PEBP4: variants seen among roughly 807,000 people sequenced by gnomAD.
The protein encoded by PEBP4 is phosphatidylethanolamine binding protein 4, also known as phosphatidylethanolamine-binding protein 4.
In PEBP4, 22 loss-of-function variants were observed where a neutral mutation model predicts 23.9. That is an observed-to-expected ratio of 0.92 (90% CI 0.66 to 1.31). The LOEUF (loss-of-function observed/expected upper bound fraction) is 1.31, where lower values mean the gene tolerates loss of function less well. PEBP4 is among the 40% of genes most tolerant of loss of function. The probability of loss-of-function intolerance (pLI) is 0.00; values close to 1 mark genes in which losing one functional copy is unlikely to be tolerated. For synonymous variants in PEBP4, 112 were observed against 99.3 expected, an observed-to-expected ratio of 1.13 and a Z score of -0.76; for missense variants, 324 against 281.7, an observed-to-expected ratio of 1.15 and a Z score of -1.07.
chr8:22,848,090 C>T (rs919322149), intron 3 of PEBP4, among the ~76,000 whole-genome samples: 7 of 152,156 alleles, frequency 4.6e-5, no homozygotes, highest in Non-Finnish European at 8.8e-5. Context: ...TTTTATGCCT[C>T]ATTACCTGCA....
At chr8:22,925,670 A>G (rs1255461011) in intron 2 of PEBP4, among the ~76,000 whole-genome samples, 1 of 152,194 alleles carries the variant, frequency 6.6e-6, no homozygotes, top group Non-Finnish European at 1.5e-5. Context: ...CTGGAGCCTC[A>G]GGCTGGTCAC....
At chr8:22,782,763 C>G (rs976040550) in intron 4 of PEBP4, among the ~76,000 whole-genome samples, 1 of 152,128 alleles carries the variant, frequency 6.6e-6, no homozygotes, top group South Asian at 2.1e-4. Context: ...GGTTAAGGAC[C>G]GTTTTATCAG....
At chr8:22,881,215 C>T (rs570398025) in intron 3 of PEBP4, among the ~76,000 whole-genome samples, 1 of 152,220 alleles carries the variant, frequency 6.6e-6, no homozygotes, top group Admixed American at 6.5e-5. Flanking sequence ...TCTGGACTCT[C>T]CCAATCCCAC....
intron 3 of PEBP4, among the ~76,000 whole-genome samples, chr8:22,907,015 G>A (rs1188969912): frequency 6.6e-6 from 1 of 152,198 alleles, no homozygotes; most frequent in Non-Finnish European, 1.5e-5. Flanking sequence ...CAGAGCTAGG[G>A]GATCTGGAAG....
intron 3 of PEBP4, among the ~76,000 whole-genome samples, chr8:22,855,026 A>G (rs1425585192): frequency 3.8e-5 from 3 of 78,200 alleles, no homozygotes; most frequent in Non-Finnish European, 8.5e-5. Context: ...ACACACACAC[A>G]CACACACACA....
chr8:22,875,909 C>CA, intron 3 of PEBP4, among the ~76,000 whole-genome samples: 1 of 152,192 alleles, frequency 6.6e-6, no homozygotes, highest in African/African-American at 2.4e-5. Context: ...GCTCAGATGT[C>CA]ACCTGTTCTT....
chr8:22,808,539 T>C (rs761442886), intron 4 of PEBP4, among the ~76,000 whole-genome samples: 1 of 152,186 alleles, frequency 6.6e-6, no homozygotes, highest in Admixed American at 6.5e-5. Context: ...AGGGCACTAA[T>C]TGAGGTTTAA....
rs749546056 is a variant in PEBP4 at position 22,927,612 on chromosome 8, G to T, written c.103C>A (p.Leu35Ile). 3.7e-6 allele frequency: 6 copies of T among 1,612,450 alleles called. No individual in the cohort carries two copies. The highest frequency in any genetic ancestry group is 5.1e-6 in the Non-Finnish European group (6 of 1,179,258). The stretch of plus-strand genomic sequence containing the variant: ...CAAAAGAGGGTGTCCTCGTCCAAGA[G>T]GGCCTCATGGGCACACGGGCTGTTC... The part of the protein sequence containing the change: ...DENSPCAHEA[L>I]LDEDTLFCQG... The change falls in exon 2 of 7, where the codon CTC (leucine) becomes ATC (isoleucine). Residue 35 changes from leucine to isoleucine, a missense_variant. Coordinates refer to ENST00000256404, the MANE Select transcript of PEBP4 (RefSeq NM_144962.3).
intron 3 of PEBP4, among the ~76,000 whole-genome samples, chr8:22,846,094 G>A (rs1477020507): frequency 3.3e-5 from 5 of 152,234 alleles, no homozygotes; most frequent in African/African-American, 1.2e-4. Context: ...TCTTTGGGCT[G>A]TTTCTGGTGG....
chr8:22,770,881 T>C (rs1209775215), intron 4 of PEBP4, among the ~76,000 whole-genome samples: 1 of 152,262 alleles, frequency 6.6e-6, no homozygotes, highest in Non-Finnish European at 1.5e-5. Flanking sequence ...TTGGCTTAGC[T>C]TCTGATGCTA....
At chr8:22,860,013 A>T (rs974576395) in intron 3 of PEBP4, among the ~76,000 whole-genome samples, 10 of 150,098 alleles carry the variant, frequency 6.7e-5, no homozygotes, top group African/African-American at 2.2e-4. Flanking sequence ...GCTACTCTGG[A>T]GGCTGAGGTG....
intron 3 of PEBP4, among the ~76,000 whole-genome samples, chr8:22,833,709 G>C (rs1167750794): frequency 6.6e-6 from 1 of 152,190 alleles, no homozygotes; most frequent in East Asian, 1.9e-4. Context: ...TCACGATCGT[G>C]ATTAGTGGAG....
chr8:22,887,748 G>C (rs1808412758), intron 3 of PEBP4: 2 of 152,182 alleles, frequency 1.3e-5, no homozygotes, highest in South Asian at 4.1e-4. Flanking sequence ...GACAGAGCAA[G>C]ACCATCTCAA....
At chr8:22,815,260 A>C (rs1371794149) in intron 4 of PEBP4, 1 of 152,198 alleles carries the variant, frequency 6.6e-6, no homozygotes, top group Non-Finnish European at 1.5e-5. Flanking sequence ...GTCTTCCTTC[A>C]ATCTGCTCAA....
rs1426162917 is a variant in PEBP4 at position 22,817,703 on chromosome 8, T to C, written c.291A>G (p.Pro97=). The C allele has an allele frequency of 6.2e-7, 1 of 1,614,254 alleles. No homozygotes were observed. Among genetic ancestry groups the C allele is most frequent in the East Asian group, 2.2e-5 (1 of 44,884 alleles). Residue 97 remains proline, a synonymous_variant, in exon 4 of 7, where the codon CCA becomes CCG. Coordinates refer to ENST00000256404, the MANE Select transcript of PEBP4 (RefSeq NM_144962.3). ...GATYILVMVD[P]DAPSRAEPRQ... is the part of the protein sequence containing the mutation. ...TGGGTTCTGCTCTGCTAGGGGCATC[T>C]GGATCCACCATCACCAGGATATAGG...
At chr8:22,746,356 G>A (rs1006082083) in intron 4 of PEBP4, among the ~76,000 whole-genome samples, 22 of 152,184 alleles carry the variant, frequency 1.4e-4, no homozygotes, top group African/African-American at 5.3e-4. Context: ...GCCACCAGGT[G>A]TTGTCTCTTT....
chr8:22,905,688 G>A (rs1808797132), intron 3 of PEBP4, among the ~76,000 whole-genome samples: 1 of 152,216 alleles, frequency 6.6e-6, no homozygotes, highest in South Asian at 2.1e-4. Context: ...GGACAGGTCA[G>A]AGGCGGTGGC....
intron 4 of PEBP4, among the ~76,000 whole-genome samples, chr8:22,743,776 C>G (rs952493091): frequency 6.6e-6 from 1 of 152,246 alleles, no homozygotes; most frequent in Non-Finnish European, 1.5e-5. Flanking sequence ...GGCAGCACCA[C>G]GCCCCTTTCC....
intron 4 of PEBP4, among the ~76,000 whole-genome samples, chr8:22,783,023 G>T (rs1404835008): frequency 6.6e-6 from 1 of 152,204 alleles, no homozygotes; most frequent in Non-Finnish European, 1.5e-5. Context: ...TTCCATCTCA[G>T]CCAGAGGGTA....
Sources: gnomAD v4.1 joint callset for allele counts (sites outside exome capture counted in the v4.1 genomes callset) on GRCh38, gnomAD v4.1.1 for gene constraint, MANE v1.5 for transcripts, NCBI Gene and HGNC (gene_info 2026-07-23, HGNC 2026-07-21) for gene names.